The following PICALM variants were observed in gnomAD, a reference collection of about 807,000 sequenced individuals.
PICALM encodes phosphatidylinositol binding clathrin assembly protein.
A neutral mutation model predicts 80.5 loss-of-function variants in PICALM; 40 were observed. The observed-to-expected ratio is 0.50, with a 90% CI of 0.39 to 0.65. The LOEUF is 0.65. Among genes scored for constraint, PICALM ranks in the 30% least tolerant of loss-of-function variants. PICALM has a pLI of 0.00. For missense variants in PICALM, 676 were observed against 778.9 expected (o/e 0.87, Z 1.57); for synonymous variants, 288 against 260.3 (o/e 1.11, Z -1.02).
At chr11:85,983,560 C>A (rs148168594) in intron 14 of PICALM, among the ~76,000 whole-genome samples, 195 of 151,500 alleles carry the variant, frequency 1.3e-3, no homozygotes, top group Non-Finnish European at 2.2e-3. Context: ...AAATTGTATG[C>A]CTAAAAAGGC....
At chr11:85,960,552 G>A (rs2135264439) in intron 19 of PICALM, 2 of 401,862 alleles carry the variant, frequency 5.0e-6, no homozygotes, top group East Asian at 1.4e-4. Context: ...AGAGGAAGAG[G>A]AGGAGGAGGA....
At chr11:86,006,111 A>C (rs1178185456) in intron 8 of PICALM, among the ~76,000 whole-genome samples, 1 of 152,236 alleles carries the variant, frequency 6.6e-6, no homozygotes, top group East Asian at 1.9e-4. Context: ...GGTGAATCTA[A>C]AGTTGCCAAA....
Position 86,000,656 on chromosome 11 carries a change from T to A in PICALM, c.1141A>T (p.Ser381Cys), listed in dbSNP as rs1454619949. ...TTCTACTCCTACCTGTTAGAAGAAC[T>A]AGGGGTAGAAAATATGTCAATGGCT... ...APAIDIFSTP[S>C]SSNSTSKLPN... Residue 381 changes from serine to cysteine, a missense_variant, in exon 11 of 20, where the codon AGT (serine) becomes TGT (cysteine). Around this residue, in one of 2 missense-constraint regions of PICALM, gnomAD observed 391 missense variants for 383.6 expected, o/e 1.02. Transcript: ENST00000393346. The A allele has an allele frequency of 6.2e-7, 1 of 1,611,896 alleles. No individual in the cohort carries two copies. Among genetic ancestry groups the A allele is most frequent in the Admixed American group, 1.7e-5 (1 of 59,982 alleles).
At chr11:86,007,037 G>T (rs113544706) in intron 8 of PICALM, among the ~76,000 whole-genome samples, 4 of 152,026 alleles carry the variant, frequency 2.6e-5, no homozygotes, top group African/African-American at 9.7e-5. Context: ...AAAGTCACAG[G>T]GCCAGCTAAT....
chr11:85,985,049 C>G (rs2094537468), intron 13 of PICALM, among the ~76,000 whole-genome samples: 1 of 151,972 alleles, frequency 6.6e-6, no homozygotes, highest in Admixed American at 6.6e-5. Context: ...TATAAAAAAC[C>G]CAAGAAGCAA....
chr11:86,045,080 C>T (rs2096048259), intron 1 of PICALM, among the ~76,000 whole-genome samples: 1 of 152,288 alleles, frequency 6.6e-6, no homozygotes. Context: ...AACCTATCTA[C>T]ATGGCTTTAA....
At chr11:85,997,647 T>A (rs766058624) in intron 11 of PICALM, among the ~76,000 whole-genome samples, 5 of 152,210 alleles carry the variant, frequency 3.3e-5, no homozygotes, top group African/African-American at 4.8e-5. Context: ...ATTTTTGTAT[T>A]TTTAATAGAG....
chr11:85,963,796 AC>A (rs2093775066), intron 19 of PICALM, among the ~76,000 whole-genome samples: 1 of 151,830 alleles, frequency 6.6e-6, no homozygotes. Flanking sequence ...TTGTTCTGTC[AC>A]CCAGGCTGTA....
intron 12 of PICALM, among the ~76,000 whole-genome samples, chr11:85,991,392 G>A (rs1469114776): frequency 6.6e-6 from 1 of 152,082 alleles, no homozygotes; most frequent in Admixed American, 6.5e-5. Flanking sequence ...ACTAGGTACT[G>A]TATTTTACTC....
At chr11:86,007,458 T>TG in intron 8 of PICALM, 84 bp downstream of exon 8, 1 of 775,892 alleles carries the variant, frequency 1.3e-6, no homozygotes, top group Non-Finnish European at 2.3e-6. Context: ...CCTTTGACAA[T>TG]GGGGGCTATA....
In PICALM at chr11:85,990,196, T is replaced by C. The variant is rs1210141046; in HGVS notation, c.1408+54A>G. 7 of 982,614 alleles carry C rather than the reference T, an allele frequency of 7.1e-6. No individual in the cohort carries two copies. In the East Asian group the frequency reaches 1.3e-4, roughly 18 times the overall value. 60.9% of individuals were successfully genotyped at this position (982,614 alleles called of 1,614,324 possible). On this transcript the variant is annotated intron_variant, in intron 13 of 19. Transcript: ENST00000393346. ...TAAAATAATTAATGGACACGTAAAA[T>C]ATAGTTAGGCAGTATAAACATTGAT...
intron 8 of PICALM, among the ~76,000 whole-genome samples, chr11:86,006,875 A>G (rs894098332): frequency 6.6e-5 from 10 of 152,228 alleles, no homozygotes; most frequent in Non-Finnish European, 1.3e-4. Flanking sequence ...CAATATTAAA[A>G]TAGCAAACAT....
intron 13 of PICALM, among the ~76,000 whole-genome samples, chr11:85,988,436 C>A (rs547575363): frequency 6.6e-6 from 1 of 151,892 alleles, no homozygotes; most frequent in Non-Finnish European, 1.5e-5. Flanking sequence ...AAAAAAAAAT[C>A]CTTCCTGCAT....
At chr11:86,028,512 T>G (rs1200734912) in intron 2 of PICALM, among the ~76,000 whole-genome samples, 1 of 152,240 alleles carries the variant, frequency 6.6e-6, no homozygotes, top group African/African-American at 2.4e-5. Flanking sequence ...TCTACAAATT[T>G]TTAACTCTAC....
intron 12 of PICALM, among the ~76,000 whole-genome samples, chr11:85,994,180 T>C (rs2094885181): frequency 6.6e-6 from 1 of 152,248 alleles, no homozygotes; most frequent in African/African-American, 2.4e-5. Context: ...TGTATATTTT[T>C]AGATATAAAA....
intron 2 of PICALM, among the ~76,000 whole-genome samples, chr11:86,027,432 ATTTT>A (rs899881756): frequency 1.4e-5 from 2 of 143,548 alleles, no homozygotes; most frequent in African/African-American, 5.1e-5. Flanking sequence ...TTTCTTCTTC[ATTTT>A]TTTTTTAATG....
At chr11:85,970,644 T>C (rs1469751642) in intron 19 of PICALM, among the ~76,000 whole-genome samples, 3 of 152,278 alleles carry the variant, frequency 2.0e-5, no homozygotes, top group East Asian at 3.9e-4. Flanking sequence ...GGTGAAACCC[T>C]GTCTCTACTA....
At chr11:86,014,735 T>A (rs1278555093) in intron 5 of PICALM, 135 bp downstream of exon 5, 1 of 481,754 alleles carries the variant, frequency 2.1e-6, no homozygotes, top group Non-Finnish European at 3.6e-6. Flanking sequence ...TTGAGACTAT[T>A]TTATAAAAAA....
At chr11:86,041,431 A>C (rs2095964783) in intron 1 of PICALM, among the ~76,000 whole-genome samples, 1 of 152,156 alleles carries the variant, frequency 6.6e-6, no homozygotes, top group Admixed American at 6.5e-5. Flanking sequence ...CTACTTCAAG[A>C]ACGGAACACA....
Sources: allele counts gnomAD v4.1 joint callset (sites outside exome capture counted in the v4.1 genomes callset), GRCh38; gene constraint gnomAD v4.1.1; regional missense constraint gnomAD v4.1.1; transcripts MANE v1.5; gene names NCBI Gene and HGNC (gene_info 2026-07-23, HGNC 2026-07-21).